Variants in UBXN2A observed in about 807,000 individuals in gnomAD.
UBXN2A encodes the protein UBX domain protein 2A.
A neutral mutation model predicts 28.4 loss-of-function variants in UBXN2A; 28 were observed. That is an observed-to-expected ratio of 0.99 (90% CI 0.73 to 1.35). UBXN2A has a LOEUF of 1.35. Among genes scored for constraint, UBXN2A ranks in the 40% most tolerant of loss-of-function variants. UBXN2A has a pLI of 0.00. For missense variants in UBXN2A, 253 were observed against 297.9 expected, an observed-to-expected ratio of 0.85 and a Z score of 1.11; for synonymous variants, 97 against 103.6, an observed-to-expected ratio of 0.94 and a Z score of 0.39.
rs1230572210 is a variant in UBXN2A, at chr2:24,001,394, A to C, written c.*1527A>C. 1 of 152,144 alleles carries C rather than the reference A, an allele frequency of 6.6e-6. No homozygotes were observed. Among genetic ancestry groups the C allele is most frequent in the Non-Finnish European group, 1.5e-5 (1 of 68,038 alleles). The allele number at this position is 152,144 out of a possible 1,614,324, so 9.4% of individuals were successfully genotyped here. On this transcript the variant is annotated 3_prime_UTR_variant, in exon 7 of 7. Coordinates refer to ENST00000309033, the MANE Select transcript of UBXN2A (RefSeq NM_181713.4). Reference sequence around the variant, plus strand: ...GGCTTTATATCTCAGACTTTAACTAAATCCAGTTAGACCTCAATTTTTCAC... The same window carrying C: ...GGCTTTATATCTCAGACTTTAACTACATCCAGTTAGACCTCAATTTTTCAC...
chr2:23,991,219 T>G (rs561885047), intron 6 of UBXN2A, among the ~76,000 whole-genome samples: 1 of 152,300 alleles, frequency 6.6e-6, no homozygotes, highest in East Asian at 1.9e-4. Flanking sequence ...CTTCTGTCAA[T>G]GTTTGCTTTA....
intron 1 of UBXN2A, among the ~76,000 whole-genome samples, chr2:23,931,952 A>C (rs1705381099): frequency 6.6e-6 from 1 of 151,504 alleles, no homozygotes; most frequent in Admixed American, 6.6e-5. Flanking sequence ...CAGAGATTGC[A>C]GTGAGCCGAG....
At chr2:23,994,204 C>G (rs1708451166) in intron 6 of UBXN2A, among the ~76,000 whole-genome samples, 1 of 152,052 alleles carries the variant, frequency 6.6e-6, no homozygotes, top group South Asian at 2.1e-4. Context: ...GATATTAAGT[C>G]TTTTTTCCTC....
intron 3 of UBXN2A, among the ~76,000 whole-genome samples, chr2:23,972,552 G>A (rs912980083): frequency 2.6e-5 from 4 of 152,120 alleles, no homozygotes; most frequent in African/African-American, 4.8e-5. Context: ...GACCGGGCGC[G>A]GTGGCTCATG....
At chr2:23,952,293 T>C (rs1706411986) in intron 1 of UBXN2A, among the ~76,000 whole-genome samples, 1 of 151,846 alleles carries the variant, frequency 6.6e-6, no homozygotes, top group Admixed American at 6.6e-5. Context: ...TAAGACGGTC[T>C]CCCTCTGTTG....
At chr2:23,997,893 A>T (rs960865224) in intron 6 of UBXN2A, among the ~76,000 whole-genome samples, 7 of 149,282 alleles carry the variant, frequency 4.7e-5, no homozygotes, top group Non-Finnish European at 8.9e-5. Flanking sequence ...GCTCACTGCA[A>T]CCTCGCCTCC....
chr2:23,989,969 G>C (rs1177366093), intron 6 of UBXN2A, among the ~76,000 whole-genome samples: 1 of 152,122 alleles, frequency 6.6e-6, no homozygotes, highest in East Asian at 1.9e-4. Flanking sequence ...AACTTCTACA[G>C]TGCAAGGCCT....
chr2:23,954,756 CT>C (rs35258355), intron 1 of UBXN2A, among the ~76,000 whole-genome samples: 2,125 of 133,504 alleles, frequency 0.016, 12 homozygotes, highest in Middle Eastern at 0.023. Context: ...TTTTGCATAT[CT>C]TTTTTTTTTT....
intron 6 of UBXN2A, among the ~76,000 whole-genome samples, chr2:23,990,422 A>G (rs1244646957): frequency 7.9e-5 from 12 of 151,554 alleles, no homozygotes; most frequent in South Asian, 4.2e-4. Context: ...TTGGACTGTT[A>G]CCCATAAAGG....
At position 23,948,674 on chromosome 2, in the gene UBXN2A, T is replaced by C. The variant is rs150501895; in HGVS notation, c.-15+8026T>C. Among the ~76,000 whole-genome samples the C allele has an allele frequency of 2.2e-3, 338 of 152,260 alleles. 2 individuals carry two copies. The highest frequency in any genetic ancestry group is 7.9e-3 in the African/African-American group (330 of 41,558). The stretch of plus-strand genomic sequence containing the variant: ...GAGGGGGATAATTATGTCCATGCTA[T>C]AAGTTAGGCAGCTGGGACTCAGAGA... On this transcript the variant is annotated intron_variant, in intron 1 of 6. Transcript: ENST00000309033.
At chr2:23,977,235 C>T (rs1056155991) in intron 4 of UBXN2A, 160 bp downstream of exon 4, 17 of 501,252 alleles carry the variant, frequency 3.4e-5, no homozygotes, top group Non-Finnish European at 6.1e-5. Flanking sequence ...CCCAGCTACT[C>T]AGGATTGCTT....
At chr2:23,966,208 G>C (rs1484739387) in intron 2 of UBXN2A, among the ~76,000 whole-genome samples, 1 of 151,514 alleles carries the variant, frequency 6.6e-6, no homozygotes, top group Non-Finnish European at 1.5e-5. Context: ...CCGCGATCTT[G>C]ACTCACTGCA....
intron 1 of UBXN2A, among the ~76,000 whole-genome samples, chr2:23,948,399 T>G (rs1290215250): frequency 6.6e-6 from 1 of 151,324 alleles, no homozygotes; most frequent in Non-Finnish European, 1.5e-5. Context: ...ATTACAGGCA[T>G]GCGCCACCAT....
At chr2:23,948,231 T>C (rs1706187340) in intron 1 of UBXN2A, among the ~76,000 whole-genome samples, 1 of 151,346 alleles carries the variant, frequency 6.6e-6, no homozygotes, top group East Asian at 1.9e-4. Context: ...AGATTAAGTC[T>C]GAAGATGTTT....
chr2:23,972,831 A>T (rs542573126), intron 3 of UBXN2A, among the ~76,000 whole-genome samples: 4 of 152,298 alleles, frequency 2.6e-5, no homozygotes, highest in African/African-American at 9.6e-5. Context: ...CAAAATAAAT[A>T]AATAAATTAA....
At chr2:23,931,605 G>T (rs1027597079) in intron 1 of UBXN2A, among the ~76,000 whole-genome samples, 2 of 152,116 alleles carry the variant, frequency 1.3e-5, no homozygotes, top group African/African-American at 4.8e-5. Context: ...GGAATGCTCA[G>T]ATCAAAAGCT....
At chr2:23,979,423 AT>A (rs1707806759) in intron 4 of UBXN2A, among the ~76,000 whole-genome samples, 1 of 152,116 alleles carries the variant, frequency 6.6e-6, no homozygotes, top group African/African-American at 2.4e-5. Context: ...GTTGAATTTC[AT>A]TTTATCATTT....
At chr2:23,991,099 C>A (rs896156234) in intron 6 of UBXN2A, among the ~76,000 whole-genome samples, 1 of 152,140 alleles carries the variant, frequency 6.6e-6, no homozygotes, top group African/African-American at 2.4e-5. Flanking sequence ...TGGACTGAAT[C>A]ATTAAAAAAT....
At chr2:23,951,413 GATATATAT>G (rs57701448) in intron 1 of UBXN2A, among the ~76,000 whole-genome samples, 1,804 of 109,422 alleles carry the variant, frequency 0.016, 34 homozygotes, top group Non-Finnish European at 0.021. Flanking sequence ...CAGTAAGATG[GATATATAT>G]ATATATATAT....
Sources: gnomAD v4.1 joint callset for allele counts (sites outside exome capture counted in the v4.1 genomes callset) on GRCh38, gnomAD v4.1.1 for gene constraint, MANE v1.5 for transcripts, NCBI Gene and HGNC (gene_info 2026-07-23, HGNC 2026-07-21) for gene names.